FAM216A: variants seen among roughly 807,000 people sequenced by gnomAD.
The protein encoded by FAM216A is protein FAM216A.
In FAM216A, 26 loss-of-function variants were observed where a neutral mutation model predicts 37.6. That is an observed-to-expected ratio of 0.69 (90% CI 0.51 to 0.96). FAM216A has a LOEUF of 0.96. Among genes scored for constraint, FAM216A ranks in the 40% least tolerant of loss-of-function variants. The probability of loss-of-function intolerance (pLI) is 0.00; values close to 1 mark genes in which losing one functional copy is unlikely to be tolerated. For missense variants in FAM216A, 326 were observed against 339.3 expected, an observed-to-expected ratio of 0.96 and a Z score of 0.31; for synonymous variants, 110 against 121.7, an observed-to-expected ratio of 0.90 and a Z score of 0.64.
At chr12:110,479,030 A>G (rs1402574674) in intron 2 of FAM216A, among the ~76,000 whole-genome samples, 1 of 152,046 alleles carries the variant, frequency 6.6e-6, no homozygotes, top group African/African-American at 2.4e-5. Flanking sequence ...TCTACTAAAA[A>G]TACAAAAAAT....
At chr12:110,486,782 G>C in intron 5 of FAM216A, 65 bp downstream of exon 5, 1 of 1,428,532 alleles carries the variant, frequency 7.0e-7, no homozygotes, top group South Asian at 1.3e-5. Context: ...TCTCAGACAG[G>C]GTTTTGTTCT....
upstream of FAM216A, chr12:110,468,690 A>G: frequency 3.3e-6 from 5 of 1,525,896 alleles, no homozygotes; most frequent in Non-Finnish European, 4.4e-6. Flanking sequence ...AAACGTGCAA[A>G]CGCTCAGCGA....
intron 5 of FAM216A, chr12:110,487,254 C>T: frequency 6.5e-6 from 1 of 153,338 alleles, no homozygotes; most frequent in Non-Finnish European, 1.5e-5. Flanking sequence ...CCTGCCTCAG[C>T]CTTCCTGAGT....
intron 2 of FAM216A, among the ~76,000 whole-genome samples, chr12:110,480,863 C>G (rs1369870063): frequency 6.6e-6 from 1 of 152,060 alleles, no homozygotes; most frequent in Non-Finnish European, 1.5e-5. Context: ...ATAAAATTAA[C>G]TTTAGTTTTT....
At chr12:110,486,739 G>A in intron 5 of FAM216A, 22 bp downstream of exon 5, 2 of 1,586,638 alleles carry the variant, frequency 1.3e-6, no homozygotes, top group South Asian at 1.2e-5. Flanking sequence ...AGTGTAAAAG[G>A]GGGGAAATGC....
chr12:110,468,925 A>T lies in FAM216A; in HGVS notation c.50A>T (p.Glu17Val), dbSNP rs1307732679. Residue 17 changes from glutamate (E) to valine (V), a missense_variant, in exon 1 of 7, where the codon GAG becomes GTG. Coordinates refer to ENST00000377673, the MANE Select transcript of FAM216A (RefSeq NM_013300.3). ...ACGGCTCGCGGTCTCGGCGCCGCGG[A>T]GATGCCCGGCCAGGGTCCGGGGTCC... ...PHTARGLGAA[E>V]MPGQGPGSDW... The T allele has an allele frequency of 6.6e-7, 1 of 1,523,028 alleles. No individual in the cohort carries two copies. Among genetic ancestry groups the T allele is most frequent in the South Asian group, 1.2e-5 (1 of 83,410 alleles). The allele number at this position is 1,523,028 out of a possible 1,614,324, so 94.3% of individuals were successfully genotyped here. A position where few individuals can be genotyped will look rare whatever the true frequency, so the allele number is the denominator to read the frequency against.
intron 3 of FAM216A, 129 bp from the exon 4 acceptor site, chr12:110,486,196 C>T (rs16940878): frequency 0.06 from 55,055 of 916,588 alleles, 1,952 homozygotes; most frequent in Non-Finnish European, 0.071. Context: ...GTCAAGTTAA[C>T]GTAGTTGAAT....
rs193100353 is a variant in FAM216A at position 110,483,354 on chromosome 12, G to A, written c.185-1724G>A. On this transcript the variant is annotated intron_variant, in intron 2 of 6. Transcript: ENST00000377673. ...TCAAAAAAAAAAAAAGAGGCATTTC[G>A]TGATTTAATTGTCAGAGACTATTTT... Among the ~76,000 whole-genome samples, 968 of 141,460 alleles carry A rather than the reference G, an allele frequency of 6.8e-3. 1 individual carries two copies. The highest frequency in any genetic ancestry group is 9.4e-3 in the Non-Finnish European group (621 of 65,914). 92.8% of individuals were successfully genotyped at this position (141,460 alleles called of 152,430 possible). A position where few individuals can be genotyped will look rare whatever the true frequency, so the allele number is the denominator to read the frequency against.
chr12:110,469,875 A>G (rs2062672060), intron 1 of FAM216A, among the ~76,000 whole-genome samples: 1 of 151,910 alleles, frequency 6.6e-6, no homozygotes. Flanking sequence ...TGATCTTGAC[A>G]TTTTCTTCAC....
intron 2 of FAM216A, among the ~76,000 whole-genome samples, chr12:110,484,698 G>C (rs2062766808): frequency 6.6e-6 from 1 of 151,504 alleles, no homozygotes; most frequent in Non-Finnish European, 1.5e-5. Context: ...ATTTAAGTCT[G>C]AGTGAAAATA....
intron 2 of FAM216A, among the ~76,000 whole-genome samples, chr12:110,484,438 A>C (rs1038204503): frequency 6.1e-5 from 9 of 147,372 alleles, no homozygotes; most frequent in African/African-American, 1.7e-4. Context: ...AAAAAAAAAA[A>C]AAAAAAAAAA....
chr12:110,479,992 T>TA (rs2062736846), intron 2 of FAM216A, among the ~76,000 whole-genome samples: 1 of 151,836 alleles, frequency 6.6e-6, no homozygotes, highest in Non-Finnish European at 1.5e-5. Context: ...TTATTTGTGG[T>TA]AAAATATACA....
intron 2 of FAM216A, among the ~76,000 whole-genome samples, chr12:110,484,283 C>T (rs1047196654): frequency 6.6e-6 from 1 of 151,110 alleles, no homozygotes; most frequent in Admixed American, 6.6e-5. Context: ...AAAAATTAGC[C>T]GGGCATGGTG....
At chr12:110,486,924 T>TA (rs1440151162) in intron 5 of FAM216A, 9 of 517,562 alleles carry the variant, frequency 1.7e-5, no homozygotes, top group East Asian at 3.2e-5. Flanking sequence ...CCCTGCTAGT[T>TA]AAAAAAAATT....
intron 2 of FAM216A, among the ~76,000 whole-genome samples, chr12:110,475,163 T>G (rs986154062): frequency 1.3e-5 from 2 of 152,210 alleles, no homozygotes; most frequent in African/African-American, 4.8e-5. Flanking sequence ...ATTGTCTTCC[T>G]CTATAGTTGA....
chr12:110,473,180 G>A (rs1390072183), intron 2 of FAM216A, 62 bp downstream of exon 2: 3 of 859,592 alleles, frequency 3.5e-6, no homozygotes, highest in Non-Finnish European at 5.5e-6. Flanking sequence ...AAGCCTATTT[G>A]TCTGTAACTA....
At chr12:110,488,889 C>T (rs1328666697) in intron 6 of FAM216A, among the ~76,000 whole-genome samples, 1 of 152,138 alleles carries the variant, frequency 6.6e-6, no homozygotes, top group South Asian at 2.1e-4. Context: ...TGGTCTCTCT[C>T]AAAATATCTT....
At chr12:110,480,193 ATTTTTTTTTT>A (rs71083126) in intron 2 of FAM216A, among the ~76,000 whole-genome samples, 2 of 30,844 alleles carry the variant, frequency 6.5e-5, no homozygotes, top group African/African-American at 2.6e-4. Context: ...CGCCTAGCTA[ATTTTTTTTTT>A]TTTTTTTTTT....
chr12:110,480,267 G>A (rs1393129209), intron 2 of FAM216A, among the ~76,000 whole-genome samples: 1 of 129,586 alleles, frequency 7.7e-6, no homozygotes, highest in Non-Finnish European at 1.5e-5. Flanking sequence ...GCAGTGGCAC[G>A]ATCTTGGCTC....
Sources: allele counts gnomAD v4.1 joint callset (sites outside exome capture counted in the v4.1 genomes callset), GRCh38; gene constraint gnomAD v4.1.1; transcripts MANE v1.5; gene names NCBI Gene and HGNC (gene_info 2026-07-23, HGNC 2026-07-21).